LIMK2: variants seen among roughly 807,000 people sequenced by gnomAD.
The protein encoded by LIMK2 is LIM domain kinase 2.
A neutral mutation model predicts 75.7 loss-of-function variants in LIMK2; 35 were observed. That is an observed-to-expected ratio of 0.46 (90% CI 0.35 to 0.61). LIMK2 has a LOEUF of 0.61. LIMK2 is among the 20% of genes least tolerant of loss of function. The probability of loss-of-function intolerance (pLI) is 0.00; values close to 1 mark genes in which losing one functional copy is unlikely to be tolerated. For synonymous variants in LIMK2, 301 were observed against 319.2 expected (o/e 0.94, Z 0.61); for missense variants, 623 against 831.0 (o/e 0.75, Z 3.08).
chr22:31,259,024 C>A, intron 3 of LIMK2, 97 bp from the exon 4 acceptor site: 1 of 700,020 alleles, frequency 1.4e-6, no homozygotes, highest in Non-Finnish European at 2.6e-6. Flanking sequence ...GGGGGCCTTG[C>A]TTGGAGGTCA....
At position 31,268,282 on chromosome 22, in the gene LIMK2, C is replaced by T; in HGVS notation, c.1317+82C>T. On this transcript the variant is annotated intron_variant, in intron 11 of 15. Transcript: ENST00000331728. The stretch of plus-strand genomic sequence containing the variant: ...TGTGGGCTTCACTGGAAGGTAGAGA[C>T]CCCTTCCTATGCAACTTGTGTGGGC... The T allele has an allele frequency of 3.5e-6, 4 of 1,147,980 alleles. No individual in the cohort carries two copies. In the Admixed American group the frequency reaches 6.8e-5, roughly 19 times the overall value. 71.1% of individuals were successfully genotyped at this position (1,147,980 alleles called of 1,614,324 possible).
chr22:31,244,873 A>G (rs1048551721), intron 2 of LIMK2, among the ~76,000 whole-genome samples: 2 of 152,180 alleles, frequency 1.3e-5, no homozygotes, highest in Non-Finnish European at 2.9e-5. Context: ...TTGGTATAGC[A>G]TGGTAGAACG....
intron 2 of LIMK2, among the ~76,000 whole-genome samples, chr22:31,256,647 A>C (rs948734182): frequency 2.0e-5 from 3 of 152,176 alleles, no homozygotes; most frequent in East Asian, 1.9e-4. Context: ...GCTGCTCTCT[A>C]TATTTTTAAT....
intron 1 of LIMK2, among the ~76,000 whole-genome samples, chr22:31,216,544 C>T (rs1174775670): frequency 6.6e-6 from 1 of 152,068 alleles, no homozygotes; most frequent in Non-Finnish European, 1.5e-5. Context: ...ATAGTGGGCC[C>T]TGAGATGAGG....
intron 2 of LIMK2, 146 bp from the exon 3 acceptor site, chr22:31,258,145 A>G: frequency 1.3e-6 from 1 of 757,066 alleles, no homozygotes; most frequent in Non-Finnish European, 2.1e-6. Flanking sequence ...CCTTGGGGAG[A>G]TAGCACAAGG....
Position 31,260,071 on chromosome 22 carries a change from TGA to T in LIMK2, c.546_547del (p.Lys183ArgfsTer42). 2 of 1,573,366 alleles carry T rather than the reference TGA, an allele frequency of 1.3e-6. No homozygotes were observed. Among genetic ancestry groups the T allele is most frequent in the Non-Finnish European group, 1.7e-6 (2 of 1,162,858 alleles). On this transcript the variant is annotated frameshift_variant, in exon 5 of 16. Coordinates refer to ENST00000331728, the MANE Select transcript of LIMK2 (RefSeq NM_005569.4). LOFTEE classifies it high-confidence loss of function. Reference sequence around the variant, plus strand: ...TCCAACTACGCCACCACTGTGCAAGTGAAAGAGTAAGTATTTTGAGAACCCTT... The same window carrying T: ...TCCAACTACGCCACCACTGTGCAAGTAAGAGTAAGTATTTTGAGAACCCTT...
chr22:31,258,419 C>T lies in LIMK2; in HGVS notation c.245C>T (p.Pro82Leu). ...GGGTGCTCCCTGCTGATGACAGGGC[C>T]TTTTATGGTGAGTGAATCCCTTCAT... ...CHGCSLLMTG[P>L]FMVAGEFKYH... The change falls in exon 3 of 16, where the codon CCT becomes CTT. Residue 82 changes from proline (P) to leucine (L), a missense_variant. This residue lies in a region of LIMK2 where 514 missense variants were observed against 661.3 expected (regional missense o/e 0.78). Coordinates refer to ENST00000331728, the MANE Select transcript of LIMK2 (RefSeq NM_005569.4). 2 of 1,614,030 alleles carry T rather than the reference C, an allele frequency of 1.2e-6. No individual in the cohort carries two copies. Among genetic ancestry groups the T allele is most frequent in the Non-Finnish European group, 1.7e-6 (2 of 1,179,928 alleles).
At chr22:31,245,838 T>G (rs2048662957) in intron 2 of LIMK2, among the ~76,000 whole-genome samples, 1 of 151,984 alleles carries the variant, frequency 6.6e-6, no homozygotes, top group South Asian at 2.1e-4. Flanking sequence ...TGTCCCAGCC[T>G]GGGCAACAAA....
chr22:31,235,346 T>G (rs1399781114), intron 2 of LIMK2, among the ~76,000 whole-genome samples: 1 of 152,074 alleles, frequency 6.6e-6, no homozygotes, highest in African/African-American at 2.4e-5. Flanking sequence ...TTCCGGACAT[T>G]GGGTTGTTTT....
chr22:31,266,198 T>C (rs757744635), intron 8 of LIMK2, 66 bp downstream of exon 8: 29 of 1,523,040 alleles, frequency 1.9e-5, no homozygotes, highest in Admixed American at 3.5e-5. Flanking sequence ...CTTTCGGGGA[T>C]TTCTCATCAC....
chr22:31,244,360 C>T (rs1244920788), intron 2 of LIMK2, among the ~76,000 whole-genome samples: 1 of 152,246 alleles, frequency 6.6e-6, no homozygotes, highest in East Asian at 1.9e-4. Flanking sequence ...AATTTGGGGC[C>T]CCCTTCTTGC....
intron 1 of LIMK2, among the ~76,000 whole-genome samples, chr22:31,215,031 A>G (rs2048379015): frequency 6.6e-6 from 1 of 152,198 alleles, no homozygotes; most frequent in African/African-American, 2.4e-5. Context: ...TCCTGAGCTC[A>G]GGCAGTCCAC....
intron 1 of LIMK2, 99 bp from the exon 2 acceptor site, chr22:31,225,621 A>G: frequency 1.2e-6 from 1 of 854,938 alleles, no homozygotes; most frequent in South Asian, 1.5e-5. Context: ...ACCCTTTCAA[A>G]TGAGATGCTG....
intron 11 of LIMK2, among the ~76,000 whole-genome samples, chr22:31,270,504 C>A (rs896989464): frequency 6.6e-6 from 1 of 152,130 alleles, no homozygotes; most frequent in Non-Finnish European, 1.5e-5. Flanking sequence ...GTGGCTCCTT[C>A]TACATTTGCA....
At position 31,228,012 on chromosome 22, in the gene LIMK2, C is replaced by CTGTG. The variant is rs2048493467; in HGVS notation, c.116+2194_116+2197dup. Among the ~76,000 whole-genome samples, 9 of 138,390 alleles carry CTGTG rather than the reference C, an allele frequency of 6.5e-5. No homozygotes were observed. The South Asian group carries it at 2.1e-3, about 32-fold the overall frequency. 90.8% of individuals were successfully genotyped at this position (138,390 alleles called of 152,430 possible). ...CTAGTCAGATGCTAGCTTGTTAGCT[C>CTGTG]TGTGCGTGCGTGTGTGTGTGTGTGT... is the stretch of plus-strand genomic sequence containing the variant. On this transcript the variant is annotated intron_variant, in intron 2 of 15. Coordinates refer to ENST00000331728, the MANE Select transcript of LIMK2 (RefSeq NM_005569.4).
Position 31,267,869 on chromosome 22 carries a change from A to G in LIMK2, c.1222A>G (p.Ile408Val). The change falls in exon 10 of 16, where the codon ATT becomes GTT. Residue 408 changes from isoleucine (I) to valine (V), a missense_variant. Ile to Val is a conservative substitution (Grantham distance 29). Around this residue, in one of 3 missense-constraint regions of LIMK2, gnomAD observed 514 missense variants for 661.3 expected, o/e 0.78. Transcript: ENST00000331728. The part of the protein sequence containing the change: ...DKKLNLLTEY[I>V]EGGTLKDFLR... Reference sequence around the variant, plus strand: ...GAAGCTGAACCTCCTGACAGAGTACATTGAGGGGGGCACACTGAAGGACTT... The same window carrying G: ...GAAGCTGAACCTCCTGACAGAGTACGTTGAGGGGGGCACACTGAAGGACTT... The G allele has an allele frequency of 6.2e-7, 1 of 1,611,452 alleles. No individual in the cohort carries two copies. Among genetic ancestry groups the G allele is most frequent in the East Asian group, 2.2e-5 (1 of 44,870 alleles).
At chr22:31,217,747 G>A (rs891931701) in intron 1 of LIMK2, among the ~76,000 whole-genome samples, 4 of 152,176 alleles carry the variant, frequency 2.6e-5, no homozygotes, top group Non-Finnish European at 5.9e-5. Context: ...TGAACTTCTG[G>A]TTGGAAGTTG....
chr22:31,215,863 CAT>C (rs1371857057), intron 1 of LIMK2, among the ~76,000 whole-genome samples: 1 of 152,138 alleles, frequency 6.6e-6, no homozygotes, highest in Non-Finnish European at 1.5e-5. Context: ...CGTATGATAA[CAT>C]TATAGAATTT....
chr22:31,264,551 G>C (rs2048872618), intron 7 of LIMK2, among the ~76,000 whole-genome samples: 1 of 152,226 alleles, frequency 6.6e-6, no homozygotes, highest in Non-Finnish European at 1.5e-5. Context: ...CTTTATTGCT[G>C]TAAAAATCAT....
Sources: gnomAD v4.1 joint callset for allele counts (sites outside exome capture counted in the v4.1 genomes callset) on GRCh38, gnomAD v4.1.1 for gene constraint, gnomAD v4.1.1 regional missense constraint, MANE v1.5 for transcripts, NCBI Gene and HGNC (gene_info 2026-07-23, HGNC 2026-07-21) for gene names.